The following IMMP1L variants were observed in gnomAD, a reference collection of about 807,000 sequenced individuals.
IMMP1L encodes the protein mitochondrial inner membrane protease subunit 1.
A neutral mutation model predicts 21.8 loss-of-function variants in IMMP1L; 24 were observed. That is an observed-to-expected ratio of 1.10 (90% CI 0.80 to 1.55). The LOEUF is 1.55. Among genes scored for constraint, IMMP1L ranks in the 40% most tolerant of loss-of-function variants. The pLI, the probability that IMMP1L is intolerant of heterozygous loss-of-function variation, is 0.00. For synonymous variants in IMMP1L, 46 were observed against 62.8 expected (o/e 0.73, Z 1.26); for missense variants, 195 against 200.7 (o/e 0.97, Z 0.17).
chr11:31,469,241 G>C (rs1302769554), intron 1 of IMMP1L, among the ~76,000 whole-genome samples: 1 of 151,560 alleles, frequency 6.6e-6, no homozygotes, highest in Non-Finnish European at 1.5e-5. Flanking sequence ...TTATAAAATA[G>C]AATCAAATGA....
intron 4 of IMMP1L, chr11:31,452,756 T>A: frequency 9.9e-7 from 1 of 1,011,110 alleles, no homozygotes; most frequent in Non-Finnish European, 1.2e-6. Context: ...TTTTTTTTTC[T>A]TTTCTTTTCT....
At chr11:31,460,807 C>T in intron 2 of IMMP1L, 93 bp from the exon 3 acceptor site, 10 of 920,018 alleles carry the variant, frequency 1.1e-5, no homozygotes, top group South Asian at 1.5e-5. Flanking sequence ...GAAAATCAAG[C>T]AAATGTTCCT....
intron 1 of IMMP1L, among the ~76,000 whole-genome samples, chr11:31,506,087 C>T (rs1279922845): frequency 6.6e-6 from 1 of 152,058 alleles, no homozygotes; most frequent in Non-Finnish European, 1.5e-5. Context: ...ACCTATTTGC[C>T]CACGTATCTT....
intron 1 of IMMP1L, among the ~76,000 whole-genome samples, chr11:31,471,505 T>TTA (rs1440228514): frequency 1.3e-5 from 2 of 152,064 alleles, no homozygotes; most frequent in Admixed American, 6.5e-5. Flanking sequence ...AGATGCTAAA[T>TTA]TATATATATA....
chr11:31,490,955 C>A (rs1405958870), intron 1 of IMMP1L, among the ~76,000 whole-genome samples: 1 of 152,174 alleles, frequency 6.6e-6, no homozygotes, highest in Non-Finnish European at 1.5e-5. Context: ...TACACTGTCT[C>A]AGGGCAAGGA....
chr11:31,472,762 C>T (rs539479282), intron 1 of IMMP1L, among the ~76,000 whole-genome samples: 1 of 152,270 alleles, frequency 6.6e-6, no homozygotes, highest in African/African-American at 2.4e-5. Flanking sequence ...GAGGATCCTC[C>T]CCAGAAATCT....
At chr11:31,490,458 G>A (rs944743181) in intron 1 of IMMP1L, among the ~76,000 whole-genome samples, 4 of 147,726 alleles carry the variant, frequency 2.7e-5, no homozygotes, top group African/African-American at 1.0e-4. Context: ...GTGACAAAGC[G>A]AGACTCCATC....
chr11:31,493,407 G>A (rs1376300520), intron 1 of IMMP1L, among the ~76,000 whole-genome samples: 7 of 152,084 alleles, frequency 4.6e-5, no homozygotes, highest in Non-Finnish European at 1.0e-4. Context: ...ACAGTATGGG[G>A]GTAACCCACC....
chr11:31,454,891 A>G lies in IMMP1L; in HGVS notation c.321+1369T>C, dbSNP rs550167682. Among the ~76,000 whole-genome samples, 4 of 152,326 alleles carry G rather than the reference A, an allele frequency of 2.6e-5. No individual in the cohort carries two copies. In the East Asian group the frequency reaches 5.8e-4, roughly 22 times the overall value. ...CTTTCAAGTACACACATGATGCTAA[A>G]GTAATTTAGAAGTGACTAGAATATC... is the stretch of plus-strand genomic sequence containing the variant. On this transcript the variant is annotated intron_variant, in intron 4 of 5. Coordinates refer to ENST00000532287, the MANE Select transcript of IMMP1L (RefSeq NM_001304274.2).
intron 1 of IMMP1L, among the ~76,000 whole-genome samples, chr11:31,484,547 T>C (rs1310689932): frequency 6.6e-6 from 1 of 151,918 alleles, no homozygotes; most frequent in Non-Finnish European, 1.5e-5. Context: ...TTCCAATCTT[T>C]TGCTACCACA....
intron 4 of IMMP1L, chr11:31,449,152 GTTC>G (rs1953650804): frequency 1.2e-6 from 1 of 841,066 alleles, no homozygotes. Context: ...TTATTAGGCA[GTTC>G]TTCTATTTAA....
intron 4 of IMMP1L, among the ~76,000 whole-genome samples, chr11:31,442,658 TG>T (rs1200242191): frequency 6.6e-6 from 1 of 152,194 alleles, no homozygotes; most frequent in East Asian, 1.9e-4. Flanking sequence ...ACTTCTTTAA[TG>T]GTTCTAAAAT....
At chr11:31,473,346 G>A (rs930125271) in intron 1 of IMMP1L, among the ~76,000 whole-genome samples, 25 of 152,134 alleles carry the variant, frequency 1.6e-4, no homozygotes, top group Admixed American at 3.9e-4. Flanking sequence ...ACTGCGCCCG[G>A]CCCCTTTGAT....
At position 31,488,427 on chromosome 11, in the gene IMMP1L, T is replaced by C. The variant is rs78780603; in HGVS notation, c.-30+21092A>G. 8.8e-4 allele frequency among the ~76,000 whole-genome samples: 134 copies of C among 152,106 alleles called. 1 individual carries two copies. The East Asian group carries it at 0.024, about 28-fold the overall frequency. On this transcript the variant is annotated intron_variant, in intron 1 of 5. Coordinates refer to ENST00000532287, the MANE Select transcript of IMMP1L (RefSeq NM_001304274.2). ...AAAAATGACTTAAAAAAACAGACAA[T>C]ATTAAAGTCCTTTATCCATCAGAGA...
At chr11:31,460,522 T>C (rs765725389) in intron 3 of IMMP1L, 104 bp downstream of exon 3, 1 of 646,260 alleles carries the variant, frequency 1.5e-6, no homozygotes, top group African/African-American at 1.8e-5. Context: ...AATATGTTTA[T>C]TTATGAAAGA....
At chr11:31,466,067 A>C (rs1954331149) in intron 1 of IMMP1L, among the ~76,000 whole-genome samples, 2 of 152,240 alleles carry the variant, frequency 1.3e-5, no homozygotes, top group African/African-American at 4.8e-5. Context: ...AACAGCAAAA[A>C]AACAAATAAC....
intron 4 of IMMP1L, among the ~76,000 whole-genome samples, chr11:31,447,462 C>G (rs1953565129): frequency 6.6e-6 from 1 of 152,192 alleles, no homozygotes; most frequent in South Asian, 2.1e-4. Context: ...TTTCTCTAAT[C>G]CTTCTTGCTT....
intron 1 of IMMP1L, among the ~76,000 whole-genome samples, chr11:31,506,438 G>A (rs1955781109): frequency 6.6e-6 from 1 of 151,554 alleles, no homozygotes; most frequent in Admixed American, 6.6e-5. Flanking sequence ...CACCATGTTA[G>A]CCAGGAAGGT....
chr11:31,463,400 A>G, intron 1 of IMMP1L, 95 bp from the exon 2 acceptor site: 2 of 1,154,226 alleles, frequency 1.7e-6, no homozygotes, highest in East Asian at 2.9e-5. Flanking sequence ...CCCAAAATGT[A>G]CTAAGTGCCT....
Sources: gnomAD v4.1 joint callset for allele counts (sites outside exome capture counted in the v4.1 genomes callset) on GRCh38, gnomAD v4.1.1 for gene constraint, MANE v1.5 for transcripts, NCBI Gene and HGNC (gene_info 2026-07-23, HGNC 2026-07-21) for gene names.